DNAH6: variants seen among roughly 807,000 people sequenced by gnomAD.
DNAH6 encodes the protein axonemal beta dynein heavy chain 6.
A neutral mutation model predicts 491.4 loss-of-function variants in DNAH6; 340 were observed. That is an observed-to-expected ratio of 0.69 (90% CI 0.63 to 0.76). The LOEUF (loss-of-function observed/expected upper bound fraction) is 0.76, where lower values mean the gene tolerates loss of function less well. Ranked by LOEUF, DNAH6 falls within the 30% of genes least tolerant of loss-of-function variation. The pLI is 0.00. For synonymous variants in DNAH6, 1,603 were observed against 1,686.1 expected, an observed-to-expected ratio of 0.95 and a Z score of 1.21; for missense variants, 4,443 against 4,972.2, an observed-to-expected ratio of 0.89 and a Z score of 3.20.
At chr2:84,690,443 G>A (rs182713350) in intron 45 of DNAH6, among the ~76,000 whole-genome samples, 123 of 152,184 alleles carry the variant, frequency 8.1e-4, no homozygotes, top group African/African-American at 2.7e-3. Context: ...TATTCCCATC[G>A]CTCAGGCAGG....
At chr2:84,482,957 T>G in the DNAH6 span, among the ~76,000 whole-genome samples, 1 of 152,180 alleles carries the variant, frequency 6.6e-6, no homozygotes. Flanking sequence ...GTTACGGTTT[T>G]TTTTTTTTTT....
At chr2:84,818,230 G>A (rs1035537511) in intron 76 of DNAH6, among the ~76,000 whole-genome samples, 2 of 152,102 alleles carry the variant, frequency 1.3e-5, no homozygotes, top group African/African-American at 4.8e-5. Context: ...CAGACATAAT[G>A]TGCTTCCTGA....
rs1692622528 is a variant in DNAH6 at position 84,670,494 on chromosome 2, G to C, written c.6454+19G>C. On this transcript the variant is annotated intron_variant, in intron 39 of 76. Coordinates refer to ENST00000389394, the MANE Select transcript of DNAH6 (RefSeq NM_001370.2). Reference sequence around the variant, plus strand: ...ATTCTAGGTAAGAATCATTATTTTAGTTTGTCCCACACAAATTATTCATTA... The same window carrying C: ...ATTCTAGGTAAGAATCATTATTTTACTTTGTCCCACACAAATTATTCATTA... 3 of 1,447,394 alleles carry C rather than the reference G, an allele frequency of 2.1e-6. No individual in the cohort carries two copies. Among genetic ancestry groups the C allele is most frequent in the African/African-American group, 2.9e-5 (2 of 69,548 alleles). The allele number at this position is 1,447,394 out of a possible 1,614,324, so 89.7% of individuals were successfully genotyped here.
At chr2:84,497,881 A>G in the DNAH6 span, among the ~76,000 whole-genome samples, 6 of 152,344 alleles carry the variant, frequency 3.9e-5, 2 homozygotes, top group Admixed American at 3.9e-4. Context: ...CCACAGACCC[A>G]AAAGTGATCC....
At chr2:84,604,660 C>T in intron 19 of DNAH6, 109 bp downstream of exon 19, 2 of 765,726 alleles carry the variant, frequency 2.6e-6, no homozygotes, top group Non-Finnish European at 4.2e-6. Context: ...CTTTCACTCT[C>T]TCATTATCAG....
At chr2:84,642,248 T>G (rs570925371) in intron 33 of DNAH6, among the ~76,000 whole-genome samples, 194 bp downstream of exon 33, 2 of 152,288 alleles carry the variant, frequency 1.3e-5, no homozygotes, top group African/African-American at 4.8e-5. Flanking sequence ...ATCATTTGTG[T>G]TTTTTTATCA....
chr2:84,555,771 A>T (rs1224058768), intron 10 of DNAH6, among the ~76,000 whole-genome samples: 1 of 152,048 alleles, frequency 6.6e-6, no homozygotes, highest in Non-Finnish European at 1.5e-5. Flanking sequence ...CAGCAATCTG[A>T]GAGTTCTCCT....
At chr2:84,701,859 G>T (rs1695932096) in intron 49 of DNAH6, among the ~76,000 whole-genome samples, 2 of 152,060 alleles carry the variant, frequency 1.3e-5, no homozygotes, top group Admixed American at 6.5e-5. Context: ...ACCATATCAG[G>T]CCCTCTCCAT....
At chr2:84,659,275 C>G in intron 37 of DNAH6, 106 bp downstream of exon 37, 1 of 604,846 alleles carries the variant, frequency 1.7e-6, no homozygotes, top group East Asian at 3.5e-5. Context: ...AACTTATACA[C>G]TAAACTGGTT....
Position 84,812,526 on chromosome 2 carries a change from T to C in DNAH6, c.11925T>C (p.Asp3975=). ...KDLILRTSFV[D]LWLKRGQPKS... is the part of the protein sequence containing the mutation. Reference sequence around the variant, plus strand: ...TTATCCTGAGGACCTCATTTGTGGATGTAAGAAAATTCCTTTCACTGGGTT... The same window carrying C: ...TTATCCTGAGGACCTCATTTGTGGACGTAAGAAAATTCCTTTCACTGGGTT... The change falls in exon 73 of 77, where the codon GAT becomes GAC. Residue 3975 remains aspartate, a splice_region_variant and synonymous_variant. Transcript: ENST00000389394. 6.5e-7 allele frequency: 1 copy of C among 1,545,402 alleles called. No homozygotes were observed.
chr2:84,740,725 G>A (rs528844805), intron 62 of DNAH6, among the ~76,000 whole-genome samples: 70 of 152,248 alleles, frequency 4.6e-4, no homozygotes, highest in African/African-American at 1.6e-3. Context: ...ACCCCGTTAT[G>A]ACCCATGCAG....
chr2:84,602,266 G>A (rs997396205), intron 18 of DNAH6, among the ~76,000 whole-genome samples: 2 of 152,026 alleles, frequency 1.3e-5, no homozygotes, highest in Non-Finnish European at 1.5e-5. Context: ...TATAGAGTAT[G>A]TATGCTAACG....
the DNAH6 span, among the ~76,000 whole-genome samples, chr2:84,480,283 G>A: frequency 6.6e-6 from 1 of 152,102 alleles, no homozygotes; most frequent in Non-Finnish European, 1.5e-5. Flanking sequence ...AATAGATGAA[G>A]AGATGTGGTT....
the DNAH6 span, among the ~76,000 whole-genome samples, chr2:84,460,644 C>CAGT: frequency 6.6e-6 from 1 of 152,036 alleles, no homozygotes; most frequent in Admixed American, 6.6e-5. Flanking sequence ...ACACAAATAA[C>CAGT]TCATCGTTGA....
At chr2:84,665,599 C>A (rs951251528) in intron 37 of DNAH6, among the ~76,000 whole-genome samples, 14 of 152,066 alleles carry the variant, frequency 9.2e-5, no homozygotes, top group Non-Finnish European at 7.4e-5. Flanking sequence ...GAAATTGAGG[C>A]AATAATTAAT....
chr2:84,549,077 C>T (rs1479880783), intron 8 of DNAH6, among the ~76,000 whole-genome samples: 2 of 152,226 alleles, frequency 1.3e-5, no homozygotes, highest in Non-Finnish European at 2.9e-5. Context: ...AGGGGACTCT[C>T]ATTAGCACTA....
At chr2:84,798,740 G>A (rs1293268469) in intron 70 of DNAH6, among the ~76,000 whole-genome samples, 4 of 152,072 alleles carry the variant, frequency 2.6e-5, no homozygotes, top group Non-Finnish European at 4.4e-5. Flanking sequence ...CAGCCTCCAC[G>A]GCCCTGCCTG....
chr2:84,728,950 T>C (rs1698895799), intron 61 of DNAH6, among the ~76,000 whole-genome samples: 1 of 152,134 alleles, frequency 6.6e-6, no homozygotes, highest in South Asian at 2.1e-4. Flanking sequence ...CCTGCAGAAG[T>C]GACATCTGCA....
chr2:84,567,405 A>G (rs1021060558), intron 11 of DNAH6, among the ~76,000 whole-genome samples: 1 of 152,174 alleles, frequency 6.6e-6, no homozygotes, highest in Non-Finnish European at 1.5e-5. Flanking sequence ...TTCAAACTAT[A>G]CTACAAGGCT....
Sources: gnomAD v4.1 joint callset for allele counts (sites outside exome capture counted in the v4.1 genomes callset) on GRCh38, gnomAD v4.1.1 for gene constraint, MANE v1.5 for transcripts, NCBI Gene and HGNC (gene_info 2026-07-23, HGNC 2026-07-21) for gene names.